FREM1: variants seen among roughly 807,000 people sequenced by gnomAD.
The protein encoded by FREM1 is FRAS1-related extracellular matrix protein 1.
A neutral mutation model predicts 210.1 loss-of-function variants in FREM1; 220 were observed. That is an observed-to-expected ratio of 1.05 (90% CI 0.94 to 1.17). FREM1 has a LOEUF of 1.17. Ranked by LOEUF, FREM1 falls within the 50% of genes most tolerant of loss-of-function variation. The pLI is 0.00. For missense variants in FREM1, 3,454 were observed against 2,675.5 expected (o/e 1.29, Z -6.42); for synonymous variants, 1,189 against 980.2 (o/e 1.21, Z -3.98).
At chr9:14,771,266 G>A (rs1237909216) in intron 25 of FREM1, among the ~76,000 whole-genome samples, 1 of 152,120 alleles carries the variant, frequency 6.6e-6, no homozygotes, top group African/African-American at 2.4e-5. Context: ...GTGATTTACA[G>A]ACACAAAATT....
intron 35 of FREM1, among the ~76,000 whole-genome samples, chr9:14,745,410 T>C (rs1370681045): frequency 1.3e-5 from 2 of 152,236 alleles, no homozygotes; most frequent in Non-Finnish European, 2.9e-5. Context: ...CATTTATTTA[T>C]TGACCAACTG....
intron 3 of FREM1, among the ~76,000 whole-genome samples, chr9:14,860,572 C>CATATATATATACACATATATACACATAT (rs759870876): frequency 1.1e-5 from 1 of 88,020 alleles, no homozygotes; most frequent in Non-Finnish European, 2.2e-5. Flanking sequence ...TATATATACA[C>CATATATATATACACATATATACACATAT]ATATATATAC....
chr9:14,885,345 C>T (rs1835620173), intron 1 of FREM1, among the ~76,000 whole-genome samples: 1 of 152,094 alleles, frequency 6.6e-6, no homozygotes, highest in Admixed American at 6.6e-5. Flanking sequence ...CCTTGACTCA[C>T]ACAATTATTT....
intron 10 of FREM1, among the ~76,000 whole-genome samples, chr9:14,835,791 G>C (rs1404946251): frequency 1.3e-5 from 2 of 152,170 alleles, no homozygotes; most frequent in Non-Finnish European, 2.9e-5. Context: ...CCAACTATAA[G>C]ACTAAAGTTT....
intron 16 of FREM1, among the ~76,000 whole-genome samples, chr9:14,811,789 C>T (rs894395312): frequency 5.8e-4 from 88 of 152,052 alleles, no homozygotes; most frequent in African/African-American, 1.8e-3. Flanking sequence ...TATTTCATGC[C>T]TCACTGCTTG....
intron 10 of FREM1, among the ~76,000 whole-genome samples, chr9:14,827,114 T>C (rs1190418304): frequency 6.6e-6 from 1 of 152,118 alleles, no homozygotes; most frequent in Non-Finnish European, 1.5e-5. Context: ...AAAGCCTATA[T>C]TGCTGTGAAT....
chr9:14,802,153 A>G (rs770694406), intron 19 of FREM1, among the ~76,000 whole-genome samples: 2 of 152,216 alleles, frequency 1.3e-5, no homozygotes, highest in Non-Finnish European at 2.9e-5. Flanking sequence ...TGTATTGTTC[A>G]TAAGTCAAAG....
At chr9:14,834,636 C>T (rs2131040778) in intron 10 of FREM1, among the ~76,000 whole-genome samples, 1 of 152,122 alleles carries the variant, frequency 6.6e-6, no homozygotes, top group East Asian at 1.9e-4. Context: ...CTTCCTGATG[C>T]CTGGCTTTTT....
intron 17 of FREM1, among the ~76,000 whole-genome samples, 169 bp downstream of exon 17, chr9:14,807,771 T>C (rs897278703): frequency 6.6e-6 from 1 of 152,166 alleles, no homozygotes; most frequent in Non-Finnish European, 1.5e-5. Flanking sequence ...TGCCCCATAA[T>C]CTTAACAGAT....
At chr9:14,835,301 C>T (rs73415665) in intron 10 of FREM1, among the ~76,000 whole-genome samples, 2,500 of 152,246 alleles carry the variant, frequency 0.016, 67 homozygotes, top group African/African-American at 0.056. Flanking sequence ...CATTTTTCTC[C>T]GCCTGATTCC....
chr9:14,747,801 A>G lies in FREM1; in HGVS notation c.5797-73T>C, dbSNP rs1842732989. On this transcript the variant is annotated intron_variant, in intron 31 of 36. Transcript: ENST00000380880. ...AACTAGCAATAGGGTAAAACCACCAAGTAAGATCTTGCTAATGTCTGAACA... is the reference window on the plus strand; with the variant it reads ...AACTAGCAATAGGGTAAAACCACCAGGTAAGATCTTGCTAATGTCTGAACA... 3.6e-6 allele frequency: 3 copies of G among 828,212 alleles called. No individual in the cohort carries two copies. The African/African-American group carries it at 5.3e-5, about 15-fold the overall frequency. 51.3% of individuals were successfully genotyped at this position (828,212 alleles called of 1,614,324 possible).
chr9:14,835,476 C>T (rs184075056), intron 10 of FREM1, among the ~76,000 whole-genome samples: 66 of 152,278 alleles, frequency 4.3e-4, no homozygotes, highest in African/African-American at 9.1e-4. Context: ...GAATCAAGCT[C>T]GACATGTACA....
chr9:14,846,895 AT>A (rs1826732926), intron 7 of FREM1, among the ~76,000 whole-genome samples: 2 of 152,038 alleles, frequency 1.3e-5, no homozygotes, highest in African/African-American at 4.8e-5. Context: ...AGTCTCCAAA[AT>A]TGTAAAGCCC....
In FREM1 at chr9:14,869,162, A is replaced by G. The variant is rs564034885; in HGVS notation, c.-185T>C. 23 of 530,982 alleles carry G rather than the reference A, an allele frequency of 4.3e-5. No individual in the cohort carries two copies. The East Asian group carries it at 6.0e-4, about 14-fold the overall frequency. 32.9% of individuals were successfully genotyped at this position (530,982 alleles called of 1,614,324 possible). A position where few individuals can be genotyped will look rare whatever the true frequency, so the allele number is the denominator to read the frequency against. On this transcript the variant is annotated 5_prime_UTR_variant, in exon 2 of 37. Coordinates refer to ENST00000380880, the MANE Select transcript of FREM1 (RefSeq NM_001379081.2). ...GTCAGACAAGGGGGCCTTTCAGGCAATCCCAGGGCTTTTAATAAAACTCGC... is the reference window on the plus strand; with the variant it reads ...GTCAGACAAGGGGGCCTTTCAGGCAGTCCCAGGGCTTTTAATAAAACTCGC...
At chr9:14,898,766 G>A (rs1838234282) in intron 1 of FREM1, among the ~76,000 whole-genome samples, 2 of 152,164 alleles carry the variant, frequency 1.3e-5, no homozygotes, top group Admixed American at 1.3e-4. Context: ...AACATAGAAT[G>A]TACAACACAA....
chr9:14,771,892 T>C (rs1006443058), intron 25 of FREM1, among the ~76,000 whole-genome samples: 7 of 152,154 alleles, frequency 4.6e-5, no homozygotes, highest in Non-Finnish European at 7.4e-5. Context: ...AGTTGCAGAA[T>C]AGAATTCGAA....
At chr9:14,907,737 G>A (rs1165130493) in intron 1 of FREM1, among the ~76,000 whole-genome samples, 2 of 152,226 alleles carry the variant, frequency 1.3e-5, no homozygotes, top group Admixed American at 6.5e-5. Flanking sequence ...AGCAATTAGC[G>A]AAATCTTTAG....
intron 25 of FREM1, among the ~76,000 whole-genome samples, chr9:14,771,587 A>T (rs1010970514): frequency 6.6e-6 from 1 of 152,120 alleles, no homozygotes; most frequent in Non-Finnish European, 1.5e-5. Context: ...TGGATGGAGC[A>T]GGTTTGGATG....
At chr9:14,812,109 C>G (rs1005817390) in intron 16 of FREM1, among the ~76,000 whole-genome samples, 1 of 152,118 alleles carries the variant, frequency 6.6e-6, no homozygotes, top group South Asian at 2.1e-4. Flanking sequence ...TTTGTCTACC[C>G]ATTTAAGTTC....
Sources: gnomAD v4.1 joint callset for allele counts (sites outside exome capture counted in the v4.1 genomes callset) on GRCh38, gnomAD v4.1.1 for gene constraint, MANE v1.5 for transcripts, NCBI Gene and HGNC (gene_info 2026-07-23, HGNC 2026-07-21) for gene names.